PIGF: variants seen among roughly 807,000 people sequenced by gnomAD.
The protein encoded by PIGF is phosphatidylinositol glycan anchor biosynthesis class F.
Under a neutral mutation model 26.0 loss-of-function variants are expected in PIGF, and 23 were observed. That is an observed-to-expected ratio of 0.88 (90% CI 0.64 to 1.25). The LOEUF (loss-of-function observed/expected upper bound fraction) is 1.25. Ranked by LOEUF, PIGF falls within the 50% of genes most tolerant of loss-of-function variation. The pLI, the probability that PIGF is intolerant of heterozygous loss-of-function variation, is 0.00. For missense variants in PIGF, 278 were observed against 249.9 expected, an observed-to-expected ratio of 1.11 and a Z score of -0.76; for synonymous variants, 93 against 92.6, an observed-to-expected ratio of 1.00 and a Z score of -0.03.
At chr2:46,593,115 A>G (rs1032432358) in intron 4 of PIGF, among the ~76,000 whole-genome samples, 3 of 147,916 alleles carry the variant, frequency 2.0e-5, no homozygotes, top group African/African-American at 5.0e-5. Context: ...ATGGTGCATC[A>G]TTTATTCAAC....
Position 46,588,240 on chromosome 2 carries a change from T to A in PIGF, c.546+4235A>T. 1 of 1,592,430 alleles carries A rather than the reference T, an allele frequency of 6.3e-7. No individual in the cohort carries two copies. On this transcript the variant is annotated intron_variant, in intron 5 of 5. Coordinates refer to ENST00000281382, the MANE Select transcript of PIGF (RefSeq NM_002643.4). The surrounding 1 kb of genome is among the most constrained non-coding windows in gnomAD (Gnocchi z 4.1). Reference sequence around the variant, plus strand: ...TCCAAATACCCTAAATTGGCATAACTAAATACCAGAGAAATAGATAAATTA... The same window carrying A: ...TCCAAATACCCTAAATTGGCATAACAAAATACCAGAGAAATAGATAAATTA...
chr2:46,616,074 G>A (rs759924267), intron 1 of PIGF: 1 of 151,778 alleles, frequency 6.6e-6, no homozygotes, highest in Non-Finnish European at 1.5e-5. Flanking sequence ...TGGGCGGAGG[G>A]GCGCCCACTA....
chr2:46,584,005 G>C (rs1011742468), intron 5 of PIGF, among the ~76,000 whole-genome samples: 1 of 152,140 alleles, frequency 6.6e-6, no homozygotes, highest in Admixed American at 6.5e-5. Flanking sequence ...TTTTAGGTTA[G>C]CTCATGGTGA....
chr2:46,609,001 T>C (rs1270186641), intron 4 of PIGF, among the ~76,000 whole-genome samples: 1 of 152,220 alleles, frequency 6.6e-6, no homozygotes, highest in East Asian at 1.9e-4. Context: ...AGTCAGCCTG[T>C]CAAGCATTGA....
intron 4 of PIGF, among the ~76,000 whole-genome samples, chr2:46,596,852 C>T (rs1459795611): frequency 2.6e-5 from 4 of 152,166 alleles, no homozygotes; most frequent in African/African-American, 4.8e-5. Flanking sequence ...GTAATGTCTA[C>T]GTTATGATGA....
chr2:46,606,883 A>G (rs1417349136), intron 4 of PIGF, among the ~76,000 whole-genome samples: 1 of 152,252 alleles, frequency 6.6e-6, no homozygotes. Flanking sequence ...GGGTAAACAA[A>G]ATTTGATATA....
intron 5 of PIGF, 139 bp downstream of exon 5, chr2:46,592,336 G>A: frequency 1.6e-6 from 1 of 625,152 alleles, no homozygotes; most frequent in South Asian, 1.8e-5. Flanking sequence ...AAGCTGCCCA[G>A]ATTACAGTGA....
chr2:46,581,484 G>T lies in PIGF; in HGVS notation c.654C>A (p.Asn218Lys), dbSNP rs746839063. ...YWNRKQLTYK[N>K]N is the part of the protein sequence containing the mutation. ...ATATCTCCCTTTGCTCCAGTTAATT[G>T]TTCTTGTATGTAAGTTGCTTTCTAT... is the stretch of plus-strand genomic sequence containing the variant. Residue 218 changes from asparagine to lysine, a missense_variant, in exon 6 of 6, where the codon AAC (asparagine) becomes AAA (lysine). Physicochemically the swap from Asn to Lys is moderately conservative, Grantham distance 94 (BLOSUM62 0). Transcript: ENST00000281382. 6.2e-7 allele frequency: 1 copy of T among 1,610,810 alleles called. No homozygotes were observed. The highest frequency in any genetic ancestry group is 1.1e-5 in the South Asian group (1 of 90,844).
At chr2:46,614,231 A>G (rs1203047360) in intron 2 of PIGF, 1 of 153,000 alleles carries the variant, frequency 6.5e-6, no homozygotes, top group East Asian at 1.9e-4. Flanking sequence ...AAAATACTAA[A>G]TAATTCTTGA....
chr2:46,591,176 G>C (rs1669712297), intron 5 of PIGF, among the ~76,000 whole-genome samples: 1 of 152,010 alleles, frequency 6.6e-6, no homozygotes. Flanking sequence ...TAAAAAACTG[G>C]TACAATATTT....
At chr2:46,605,578 A>G (rs1348218634) in intron 4 of PIGF, among the ~76,000 whole-genome samples, 1 of 152,160 alleles carries the variant, frequency 6.6e-6, no homozygotes, top group African/African-American at 2.4e-5. Flanking sequence ...ACAGCCCTGC[A>G]AAGTACATAT....
At position 46,588,350 on chromosome 2, in the gene PIGF, G is replaced by A. The variant is rs1182420096; in HGVS notation, c.546+4125C>T. The A allele has an allele frequency of 1.5e-5, 13 of 845,300 alleles. No homozygotes were observed. The highest frequency in any genetic ancestry group is 2.1e-5 in the Non-Finnish European group (12 of 575,272). 52.4% of individuals were successfully genotyped at this position (845,300 alleles called of 1,614,324 possible). A position where few individuals can be genotyped will look rare whatever the true frequency, so the allele number is the denominator to read the frequency against. On this transcript the variant is annotated intron_variant, in intron 5 of 5. Transcript: ENST00000281382. This position sits in a 1 kb window ranked among gnomAD's most constrained non-coding sequence, Gnocchi z 4.1. The stretch of plus-strand genomic sequence containing the variant: ...ACAATTAACATATTCTCTAATATAT[G>A]AGAACTCAAATAAATCATGGAATTT...
chr2:46,605,065 T>C lies in PIGF; in HGVS notation c.437+7163A>G, dbSNP rs373462866. Reference sequence around the variant, plus strand: ...TAATGCTAACTACATATTGGAGCAATTTCAATATAACTAGTAATTCTTTGT... The same window carrying C: ...TAATGCTAACTACATATTGGAGCAACTTCAATATAACTAGTAATTCTTTGT... On this transcript the variant is annotated intron_variant, in intron 4 of 5. Coordinates refer to ENST00000281382, the MANE Select transcript of PIGF (RefSeq NM_002643.4). 3.3e-5 allele frequency among the ~76,000 whole-genome samples: 5 copies of C among 152,046 alleles called. No individual in the cohort carries two copies. In the East Asian group the frequency reaches 7.7e-4, roughly 23 times the overall value.
chr2:46,584,110 T>A (rs1466636063), intron 5 of PIGF, among the ~76,000 whole-genome samples: 1 of 152,210 alleles, frequency 6.6e-6, no homozygotes, highest in Non-Finnish European at 1.5e-5. Flanking sequence ...TTTTAACTAT[T>A]TAAAATACCA....
chr2:46,590,729 G>C (rs1433441588), intron 5 of PIGF, among the ~76,000 whole-genome samples: 3 of 152,160 alleles, frequency 2.0e-5, no homozygotes, highest in Non-Finnish European at 4.4e-5. Context: ...CATCAAGTAT[G>C]GATGACTTCT....
chr2:46,613,037 T>G (rs990884175), intron 3 of PIGF, among the ~76,000 whole-genome samples: 1 of 134,924 alleles, frequency 7.4e-6, no homozygotes, highest in African/African-American at 2.6e-5. Flanking sequence ...CGTAAAACTA[T>G]GTATAAATAT....
chr2:46,583,075 G>A (rs1168018003), intron 5 of PIGF: 1 of 152,030 alleles, frequency 6.6e-6, no homozygotes, highest in African/African-American at 2.4e-5. Context: ...TCCAACACAT[G>A]GTATAAACGA....
At chr2:46,591,747 T>C (rs1299590626) in intron 5 of PIGF, 3 of 1,168,460 alleles carry the variant, frequency 2.6e-6, no homozygotes, top group Non-Finnish European at 2.2e-6. Flanking sequence ...GAATGTTACA[T>C]ACCCTCTAGG....
intron 4 of PIGF, among the ~76,000 whole-genome samples, chr2:46,598,690 A>T (rs1669965759): frequency 6.6e-6 from 1 of 152,120 alleles, no homozygotes; most frequent in Admixed American, 6.5e-5. Context: ...GAAGAGTGGG[A>T]ATAGGGTATG....
Sources: allele counts gnomAD v4.1 joint callset (sites outside exome capture counted in the v4.1 genomes callset), GRCh38; gene constraint gnomAD v4.1.1; non-coding constraint Gnocchi (gnomAD v3.1); transcripts MANE v1.5; gene names NCBI Gene and HGNC (gene_info 2026-07-23, HGNC 2026-07-21).